The following MYO5B variants were observed in gnomAD, a reference collection of about 807,000 sequenced individuals.
MYO5B encodes the protein myosin VB.
Under a neutral mutation model 229.3 loss-of-function variants are expected in MYO5B, and 143 were observed. The observed-to-expected ratio is 0.62, with a 90% CI of 0.54 to 0.72. The LOEUF (loss-of-function observed/expected upper bound fraction) is 0.72, where lower values mean the gene tolerates loss of function less well. Ranked by LOEUF, MYO5B falls within the 30% of genes least tolerant of loss-of-function variation. The probability of loss-of-function intolerance (pLI) is 0.00; values close to 1 mark genes in which losing one functional copy is unlikely to be tolerated. For missense variants in MYO5B, 2,321 were observed against 2,331.0 expected (o/e 1.00, Z 0.09); for synonymous variants, 918 against 885.2 (o/e 1.04, Z -0.66).
At chr18:49,874,557 A>T (rs1024587502) in intron 26 of MYO5B, among the ~76,000 whole-genome samples, 1 of 151,694 alleles carries the variant, frequency 6.6e-6, no homozygotes, top group African/African-American at 2.4e-5. Context: ...GCTCAGGGGG[A>T]AAAAAAACAA....
chr18:49,962,319 C>T lies in MYO5B; in HGVS notation c.1492G>A (p.Asp498Asn), dbSNP rs200175136. Residue 498 changes from aspartate to asparagine, a missense_variant, in exon 12 of 40, where the codon GAC becomes AAC. Asp to Asn is a conservative substitution (Grantham distance 23). Around this residue, in one of 2 missense-constraint regions of MYO5B, gnomAD observed 2,113 missense variants for 2,044.7 expected, o/e 1.03. Coordinates refer to ENST00000285039, the MANE Select transcript of MYO5B (RefSeq NM_001080467.3). ...ATACCCAGCTTGGCTTCAATGAGGT[C>T]GATACAAGGTTGGTTATCATAAAAA... ...IDFYDNQPCI[D>N]LIEAKLGILD... The T allele has an allele frequency of 2.2e-4, 350 of 1,614,164 alleles. No homozygotes were observed. In the African/African-American group the frequency reaches 2.5e-3, roughly 11 times the overall value.
At chr18:49,907,264 A>G (rs2024910123) in intron 18 of MYO5B, among the ~76,000 whole-genome samples, 1 of 152,206 alleles carries the variant, frequency 6.6e-6, no homozygotes, top group South Asian at 2.1e-4. Context: ...GAGCAAGGAA[A>G]TGACCTGATC....
In MYO5B at chr18:50,194,013, C is replaced by G. The variant is rs143320875; in HGVS notation, c.27+754G>C. ...CCTTGAAGGCATCCTGAAACTCACA[C>G]CCTGCTCCCGGTTCGACTTTACTCC... On this transcript the variant is annotated intron_variant, in intron 1 of 39. Coordinates refer to ENST00000285039, the MANE Select transcript of MYO5B (RefSeq NM_001080467.3). 3.2e-4 allele frequency among the ~76,000 whole-genome samples: 48 copies of G among 152,346 alleles called. No individual in the cohort carries two copies. In the East Asian group the frequency reaches 9.3e-3, roughly 29 times the overall value.
chr18:50,048,651 A>AG (rs1006837120), intron 2 of MYO5B, among the ~76,000 whole-genome samples: 122 of 152,292 alleles, frequency 8.0e-4, no homozygotes, highest in African/African-American at 2.6e-3. Flanking sequence ...CGAAGCATGA[A>AG]GGTATCATCT....
chr18:49,903,789 G>C (rs1201218681), intron 20 of MYO5B, among the ~76,000 whole-genome samples: 1 of 152,184 alleles, frequency 6.6e-6, no homozygotes, highest in African/African-American at 2.4e-5. Flanking sequence ...GTGTTACCTG[G>C]TTGAACAGAT....
At chr18:50,180,607 C>T (rs1420659753) in intron 1 of MYO5B, among the ~76,000 whole-genome samples, 5 of 152,190 alleles carry the variant, frequency 3.3e-5, no homozygotes, top group Non-Finnish European at 5.9e-5. Flanking sequence ...GCATCAAGTA[C>T]ATTCACATTG....
chr18:50,183,335 A>ATATATATATATATATC (rs1555667480), intron 1 of MYO5B, among the ~76,000 whole-genome samples: 1 of 138,626 alleles, frequency 7.2e-6, no homozygotes, highest in Admixed American at 7.1e-5. Flanking sequence ...ATATATATAT[A>ATATATATATATATATC]TATCTCCTTC....
rs1158157922 is a variant in MYO5B, at chr18:49,825,555, T to C, written c.*916A>G. On this transcript the variant is annotated 3_prime_UTR_variant, in exon 40 of 40. Transcript: ENST00000285039. Reference sequence around the variant, plus strand: ...GTAGAGCATTATGTGATGCTCTTACTGGAAGCTTAATGGTATTAAGAGATT... The same window carrying C: ...GTAGAGCATTATGTGATGCTCTTACCGGAAGCTTAATGGTATTAAGAGATT... 1 of 152,236 alleles carries C rather than the reference T, an allele frequency of 6.6e-6. No individual in the cohort carries two copies. Among genetic ancestry groups the C allele is most frequent in the Non-Finnish European group, 1.5e-5 (1 of 68,032 alleles). The allele number at this position is 152,236 out of a possible 1,614,324, so 9.4% of individuals were successfully genotyped here. A position where few individuals can be genotyped will look rare whatever the true frequency, so the allele number is the denominator to read the frequency against.
At chr18:49,844,800 C>T (rs2024104417) in intron 33 of MYO5B, among the ~76,000 whole-genome samples, 1 of 152,208 alleles carries the variant, frequency 6.6e-6, no homozygotes, top group African/African-American at 2.4e-5. Flanking sequence ...AACAACTTGT[C>T]CTGTCTTGGA....
intron 1 of MYO5B, among the ~76,000 whole-genome samples, chr18:50,177,662 G>A (rs1233897395): frequency 6.6e-6 from 1 of 152,232 alleles, no homozygotes; most frequent in Non-Finnish European, 1.5e-5. Flanking sequence ...ACTGCTCAGA[G>A]AGAACTGCTC....
At chr18:50,112,938 A>G (rs4939940) in intron 1 of MYO5B, among the ~76,000 whole-genome samples, 145,935 of 152,316 alleles carry the variant, frequency 0.96, 70,250 homozygotes, top group East Asian at 1. Flanking sequence ...TCACAAACAC[A>G]CAATCCTGTC....
chr18:49,936,985 T>C (rs535084667), intron 15 of MYO5B, among the ~76,000 whole-genome samples: 1 of 152,292 alleles, frequency 6.6e-6, no homozygotes, highest in Non-Finnish European at 1.5e-5. Context: ...TCTTTGGCCC[T>C]GTGGCACAGC....
rs116628038 is a variant in MYO5B at position 49,968,029 on chromosome 18, C to T, written c.1323-4999G>A. Among the ~76,000 whole-genome samples, 502 of 152,246 alleles carry T rather than the reference C, an allele frequency of 3.3e-3. 4 individuals carry two copies. The highest frequency in any genetic ancestry group is 0.012 in the African/African-American group (479 of 41,528). Reference sequence around the variant, plus strand: ...GGACAGGAAAACATCCACTGTATGGCGATCCTCTCCCAACCTAACAGCCAA... The same window carrying T: ...GGACAGGAAAACATCCACTGTATGGTGATCCTCTCCCAACCTAACAGCCAA... On this transcript the variant is annotated intron_variant, in intron 10 of 39. Transcript: ENST00000285039.
intron 10 of MYO5B, among the ~76,000 whole-genome samples, chr18:49,971,216 A>T (rs2025688162): frequency 6.6e-6 from 1 of 152,202 alleles, no homozygotes; most frequent in South Asian, 2.1e-4. Flanking sequence ...AATAAAGCCT[A>T]ATGACTGGAA....
At chr18:49,877,723 C>T in intron 25 of MYO5B, 40 bp downstream of exon 25, 1 of 1,612,888 alleles carries the variant, frequency 6.2e-7, no homozygotes, top group Non-Finnish European at 8.5e-7. Flanking sequence ...CACACACTCC[C>T]TCTGGAGGAG....
chr18:50,027,381 G>A (rs144545464), intron 4 of MYO5B, among the ~76,000 whole-genome samples: 108 of 152,302 alleles, frequency 7.1e-4, no homozygotes, highest in African/African-American at 2.5e-3. Flanking sequence ...TCCATGTTCA[G>A]TGCTCCAATA....
chr18:50,047,978 T>G (rs891421200), intron 2 of MYO5B, among the ~76,000 whole-genome samples: 16 of 150,552 alleles, frequency 1.1e-4, no homozygotes, highest in Non-Finnish European at 2.2e-4. Context: ...TTAGGAGATA[T>G]ACCTAATGTA....
chr18:49,859,460 C>T (rs768815082), intron 29 of MYO5B, among the ~76,000 whole-genome samples: 2 of 152,170 alleles, frequency 1.3e-5, no homozygotes, highest in Non-Finnish European at 2.9e-5. Context: ...GTCAGTTTCC[C>T]GGTTCTAAAA....
intron 1 of MYO5B, among the ~76,000 whole-genome samples, chr18:50,168,517 AG>A (rs932004368): frequency 6.6e-6 from 1 of 152,190 alleles, no homozygotes; most frequent in African/African-American, 2.4e-5. Context: ...TGCAGTCCCC[AG>A]GATAAGCTGG....
Sources: gnomAD v4.1 joint callset for allele counts (sites outside exome capture counted in the v4.1 genomes callset) on GRCh38, gnomAD v4.1.1 for gene constraint, gnomAD v4.1.1 regional missense constraint, MANE v1.5 for transcripts, NCBI Gene and HGNC (gene_info 2026-07-23, HGNC 2026-07-21) for gene names.